MGAT4C: variants seen among roughly 807,000 people sequenced by gnomAD.
MGAT4C encodes MGAT4 family member C, also known as alpha-1,3-mannosyl-glycoprotein 4-beta-N-acetylglucosaminyltransferase C.
MGAT4C carries 19 observed loss-of-function variants against 40.1 expected under a neutral mutation model. The ratio of observed to expected loss-of-function variants is 0.47; its 90% CI spans 0.33 to 0.70. The LOEUF (loss-of-function observed/expected upper bound fraction) is 0.70. Among genes scored for constraint, MGAT4C ranks in the 30% least tolerant of loss-of-function variants. The pLI is 0.02. For synonymous variants in MGAT4C, 181 were observed against 187.1 expected (o/e 0.97, Z 0.27); for missense variants, 491 against 563.2 (o/e 0.87, Z 1.30).
intron 2 of MGAT4C, among the ~76,000 whole-genome samples, chr12:86,047,778 T>G (rs900480883): frequency 3.9e-5 from 6 of 152,130 alleles, no homozygotes; most frequent in Non-Finnish European, 8.8e-5. Flanking sequence ...GCTATTTGTT[T>G]GCTCAAAAAC....
chr12:86,081,037 G>A lies in MGAT4C; in HGVS notation c.-56-31314C>T, dbSNP rs184855054. On this transcript the variant is annotated intron_variant, in intron 1 of 4. Transcript: ENST00000611864. ...ATAAATAGAATGGCATTTAGTTGAT[G>A]TGAATAGGTTACCATTTGTTTCTCT... Among the ~76,000 whole-genome samples, 332 of 152,276 alleles carry A rather than the reference G, an allele frequency of 2.2e-3. 3 individuals are homozygous for A. The highest frequency in any genetic ancestry group is 7.6e-3 in the African/African-American group (315 of 41,554).
intron 3 of MGAT4C, among the ~76,000 whole-genome samples, chr12:86,392,754 A>C (rs1280768758): frequency 2.6e-5 from 4 of 152,214 alleles, no homozygotes; most frequent in Non-Finnish European, 5.9e-5. Flanking sequence ...TGATAAATAC[A>C]TAATTGCATA....
At chr12:86,543,451 G>A in intron 2 of MGAT4C, among the ~76,000 whole-genome samples, 1 of 151,446 alleles carries the variant, frequency 6.6e-6, no homozygotes, top group East Asian at 1.9e-4. Context: ...AGATTATTCT[G>A]TTTCTCTTTT....
intron 2 of MGAT4C, among the ~76,000 whole-genome samples, chr12:86,519,738 T>A (rs1958759946): frequency 6.6e-6 from 1 of 152,226 alleles, no homozygotes. Flanking sequence ...TTTTACCTAT[T>A]TTTAAATCAG....
At chr12:86,824,815 G>A (rs1467266398) in intron 1 of MGAT4C, among the ~76,000 whole-genome samples, 2 of 149,826 alleles carry the variant, frequency 1.3e-5, no homozygotes, top group African/African-American at 4.9e-5. Flanking sequence ...AACAAGAGGG[G>A]AAAAAGCCAA....
chr12:86,500,963 T>C (rs1388995224), intron 2 of MGAT4C, among the ~76,000 whole-genome samples: 2 of 152,056 alleles, frequency 1.3e-5, no homozygotes, highest in Non-Finnish European at 2.9e-5. Context: ...AAATAGATAA[T>C]AGTATAATTG....
chr12:86,108,640 C>T (rs776078889), intron 1 of MGAT4C, among the ~76,000 whole-genome samples: 14 of 151,980 alleles, frequency 9.2e-5, no homozygotes, highest in South Asian at 8.3e-4. Context: ...TGGGTGACTT[C>T]GTGTCCTGAA....
At chr12:86,806,854 T>A (rs1458014273) in intron 1 of MGAT4C, among the ~76,000 whole-genome samples, 1 of 151,162 alleles carries the variant, frequency 6.6e-6, no homozygotes, top group African/African-American at 2.4e-5. Context: ...TGGGGCCTGT[T>A]GTGGGGTGGG....
intron 1 of MGAT4C, among the ~76,000 whole-genome samples, chr12:86,158,700 A>T (rs1885258494): frequency 6.6e-6 from 1 of 152,174 alleles, no homozygotes; most frequent in Non-Finnish European, 1.5e-5. Flanking sequence ...ATTAGAGAAA[A>T]TTAAATATCT....
intron 4 of MGAT4C, among the ~76,000 whole-genome samples, chr12:86,264,290 T>C (rs1371664535): frequency 3.9e-5 from 6 of 152,230 alleles, no homozygotes; most frequent in Non-Finnish European, 5.9e-5. Context: ...TTCCTTCTAG[T>C]ATTTTTATAG....
At chr12:86,344,113 CAGAA>C (rs1186751009) in intron 3 of MGAT4C, among the ~76,000 whole-genome samples, 4 of 152,104 alleles carry the variant, frequency 2.6e-5, no homozygotes, top group Non-Finnish European at 4.4e-5. Flanking sequence ...TCCCCCAATG[CAGAA>C]AGATAGTCTG....
At chr12:86,287,570 T>C (rs191952444) in intron 4 of MGAT4C, among the ~76,000 whole-genome samples, 7 of 152,262 alleles carry the variant, frequency 4.6e-5, no homozygotes, top group African/African-American at 1.7e-4. Context: ...TGTGTTCTTA[T>C]TGTTCCCCTC....
intron 4 of MGAT4C, among the ~76,000 whole-genome samples, chr12:86,332,434 A>AG (rs904021751): frequency 2.0e-5 from 3 of 151,974 alleles, no homozygotes; most frequent in African/African-American, 7.2e-5. Context: ...AAAAAAGAAA[A>AG]AAAAAGCCCC....
intron 2 of MGAT4C, among the ~76,000 whole-genome samples, chr12:86,614,393 A>G (rs1328727247): frequency 6.6e-6 from 1 of 152,156 alleles, no homozygotes; most frequent in African/African-American, 2.4e-5. Flanking sequence ...CGATGCAGTG[A>G]GTGTGGGATA....
chr12:86,332,042 G>A (rs947855399), intron 4 of MGAT4C, among the ~76,000 whole-genome samples: 15 of 152,054 alleles, frequency 9.9e-5, no homozygotes, highest in Middle Eastern at 3.4e-3. Context: ...TAAATGCAGC[G>A]TAAAGGCATC....
chr12:86,254,805 T>C (rs1280422908), intron 1 of MGAT4C, among the ~76,000 whole-genome samples: 1 of 152,096 alleles, frequency 6.6e-6, no homozygotes, highest in African/African-American at 2.4e-5. Context: ...GCTGAGACAT[T>C]AAGCTCACTT....
chr12:86,398,791 T>C (rs1223736949), intron 3 of MGAT4C, among the ~76,000 whole-genome samples: 1 of 151,924 alleles, frequency 6.6e-6, no homozygotes, highest in Non-Finnish European at 1.5e-5. Flanking sequence ...AAAAAAATTA[T>C]CTCACCTACT....
chr12:86,595,483 A>G (rs1228291800), intron 2 of MGAT4C, among the ~76,000 whole-genome samples: 1 of 151,264 alleles, frequency 6.6e-6, no homozygotes, highest in Non-Finnish European at 1.5e-5. Flanking sequence ...GTGAGCAGAG[A>G]TTGTACCACT....
intron 3 of MGAT4C, among the ~76,000 whole-genome samples, chr12:86,395,979 T>C (rs1035094633): frequency 6.6e-6 from 1 of 152,192 alleles, no homozygotes; most frequent in Non-Finnish European, 1.5e-5. Flanking sequence ...ATTTCCTTTA[T>C]CCTGATCTTA....
Sources: gnomAD v4.1 joint callset for allele counts (sites outside exome capture counted in the v4.1 genomes callset) on GRCh38, gnomAD v4.1.1 for gene constraint, MANE v1.5 for transcripts, NCBI Gene and HGNC (gene_info 2026-07-23, HGNC 2026-07-21) for gene names.